The following CDC42BPA variants were observed in gnomAD, a reference collection of about 807,000 sequenced individuals.
CDC42BPA encodes serine/threonine-protein kinase MRCK alpha.
CDC42BPA carries 80 observed loss-of-function variants against 223.5 expected under a neutral mutation model. The observed-to-expected ratio is 0.36, with a 90% confidence interval of 0.30 to 0.43. The LOEUF (loss-of-function observed/expected upper bound fraction) is 0.43, where lower values mean the gene tolerates loss of function less well. Among genes scored for constraint, CDC42BPA ranks in the 20% least tolerant of loss-of-function variants. The probability of loss-of-function intolerance (pLI) is 1.00; values close to 1 mark genes in which losing one functional copy is unlikely to be tolerated. For missense variants in CDC42BPA, 1,743 were observed against 2,099.9 expected (o/e 0.83, Z 3.32); for synonymous variants, 694 against 718.6 (o/e 0.97, Z 0.55).
intron 11 of CDC42BPA, among the ~76,000 whole-genome samples, chr1:227,123,334 GCTGATACCAA>G (rs1401688196): frequency 6.6e-6 from 1 of 152,150 alleles, no homozygotes; most frequent in Non-Finnish European, 1.5e-5. Context: ...AACTGGGTTA[GCTGATACCAA>G]CTAAATGGTT....
intron 5 of CDC42BPA, among the ~76,000 whole-genome samples, chr1:227,187,751 A>G (rs987559384): frequency 1.1e-4 from 17 of 149,306 alleles, no homozygotes; most frequent in Admixed American, 2.0e-4. Flanking sequence ...AAAAATAAAG[A>G]AAAAAACCCT....
chr1:227,316,392 C>A (rs138997425), intron 1 of CDC42BPA, among the ~76,000 whole-genome samples: 123 of 152,334 alleles, frequency 8.1e-4, no homozygotes, highest in Non-Finnish European at 1.5e-3. Context: ...AAATCTAACT[C>A]TCAAGTGGAA....
chr1:227,292,649 C>G (rs975418921), intron 1 of CDC42BPA, among the ~76,000 whole-genome samples: 1 of 152,138 alleles, frequency 6.6e-6, no homozygotes, highest in African/African-American at 2.4e-5. Flanking sequence ...AATCAAAATT[C>G]TAACTTTGTT....
intron 1 of CDC42BPA, among the ~76,000 whole-genome samples, chr1:227,288,015 T>C (rs1050351599): frequency 3.3e-5 from 5 of 152,176 alleles, no homozygotes; most frequent in Admixed American, 2.6e-4. Flanking sequence ...TTTGCTCCAT[T>C]AGCCTTTTCC....
intron 1 of CDC42BPA, among the ~76,000 whole-genome samples, chr1:227,268,978 C>T (rs1165516185): frequency 6.6e-6 from 1 of 152,120 alleles, no homozygotes; most frequent in Non-Finnish European, 1.5e-5. Context: ...AGCCACTGGG[C>T]TCAGCCCATA....
rs142709824 is a variant in CDC42BPA at position 227,286,936 on chromosome 1, C to T, written c.178+30069G>A. Among the ~76,000 whole-genome samples, 915 of 152,212 alleles carry T rather than the reference C, an allele frequency of 6.0e-3. 10 individuals are homozygous for T. Among genetic ancestry groups the T allele is most frequent in the African/African-American group, 0.021 (862 of 41,528 alleles). ...TGGGGAGGTATCAGGCTCTTTTTAA[C>T]AATCAGATATTGGGAGAACAAACAC... is the stretch of plus-strand genomic sequence containing the variant. On this transcript the variant is annotated intron_variant, in intron 1 of 36. Coordinates refer to ENST00000366766, the MANE Select transcript of CDC42BPA (RefSeq NM_001394014.1).
Position 227,016,077 on chromosome 1 carries a change from T to C in CDC42BPA, c.4857+3A>G. 1 of 1,519,636 alleles carries C rather than the reference T, an allele frequency of 6.6e-7. No homozygotes were observed. The highest frequency in any genetic ancestry group is 1.4e-5 in the African/African-American group (1 of 72,868). The allele number at this position is 1,519,636 out of a possible 1,614,324, so 94.1% of individuals were successfully genotyped here. A position where few individuals can be genotyped will look rare whatever the true frequency, so the allele number is the denominator to read the frequency against. On this transcript the variant is annotated splice_donor_region_variant and intron_variant, in intron 34 of 36. Coordinates refer to ENST00000366766, the MANE Select transcript of CDC42BPA (RefSeq NM_001394014.1). ...TTTTACACTCACTCTTAATTCCTCT[T>C]ACCATGGGCAGATCTTTCAGGATCT...
intron 1 of CDC42BPA, among the ~76,000 whole-genome samples, chr1:227,271,366 G>T (rs1009548652): frequency 6.6e-6 from 1 of 152,122 alleles, no homozygotes; most frequent in Non-Finnish European, 1.5e-5. Context: ...GCACAGTAGA[G>T]GGATATGTTA....
chr1:227,196,014 G>T (rs1472355689), intron 4 of CDC42BPA, among the ~76,000 whole-genome samples: 1 of 151,852 alleles, frequency 6.6e-6, no homozygotes, highest in Non-Finnish European at 1.5e-5. Context: ...AGTCACTAGG[G>T]AAATGAAAGC....
chr1:227,119,974 A>G, intron 11 of CDC42BPA, 37 bp from the exon 12 acceptor site: 1 of 1,515,912 alleles, frequency 6.6e-7, no homozygotes, highest in Non-Finnish European at 8.9e-7. Context: ...TACTATTTGT[A>G]TAAAAGCAAA....
chr1:227,222,543 G>A (rs938686665), intron 2 of CDC42BPA, among the ~76,000 whole-genome samples: 2 of 152,086 alleles, frequency 1.3e-5, no homozygotes, highest in Non-Finnish European at 2.9e-5. Context: ...GATTTTACCT[G>A]TTTCATTGTA....
chr1:227,128,191 A>AT (rs1656246478), intron 11 of CDC42BPA, among the ~76,000 whole-genome samples: 1 of 152,044 alleles, frequency 6.6e-6, no homozygotes, highest in Admixed American at 6.5e-5. Context: ...GGCACATTTG[A>AT]TTTTAGAGTT....
chr1:227,304,488 A>T (rs879889783), intron 1 of CDC42BPA, among the ~76,000 whole-genome samples: 5 of 152,164 alleles, frequency 3.3e-5, no homozygotes, highest in Non-Finnish European at 7.3e-5. Flanking sequence ...ATAATTTTAA[A>T]AGGAAAAAAT....
At chr1:227,148,305 A>G (rs1056174063) in intron 6 of CDC42BPA, among the ~76,000 whole-genome samples, 2 of 152,166 alleles carry the variant, frequency 1.3e-5, no homozygotes, top group Non-Finnish European at 2.9e-5. Flanking sequence ...AAAGTGGAAG[A>G]AAAAATAAAA....
intron 3 of CDC42BPA, among the ~76,000 whole-genome samples, chr1:227,206,656 T>A (rs927202898): frequency 3.9e-5 from 6 of 152,168 alleles, no homozygotes; most frequent in African/African-American, 1.4e-4. Context: ...TTTAAAAAGA[T>A]CTGCTTATTC....
At chr1:227,163,024 C>T (rs1192467207) in intron 5 of CDC42BPA, among the ~76,000 whole-genome samples, 15 of 29,596 alleles carry the variant, frequency 5.1e-4, no homozygotes, top group African/African-American at 2.1e-3. Context: ...GTGTATGTTT[C>T]CAAACATATG....
chr1:227,244,591 G>A (rs1680588991), intron 2 of CDC42BPA, among the ~76,000 whole-genome samples: 1 of 152,112 alleles, frequency 6.6e-6, no homozygotes, highest in Non-Finnish European at 1.5e-5. Flanking sequence ...TAAAAATCTG[G>A]CTATGGCCAG....
intron 5 of CDC42BPA, among the ~76,000 whole-genome samples, chr1:227,164,938 T>C (rs1397794586): frequency 6.6e-6 from 1 of 152,144 alleles, no homozygotes; most frequent in Admixed American, 6.5e-5. Context: ...TTTTAGGAAA[T>C]AAAATTTCAG....
intron 2 of CDC42BPA, among the ~76,000 whole-genome samples, chr1:227,231,951 A>G (rs1471114041): frequency 6.6e-6 from 1 of 152,098 alleles, no homozygotes; most frequent in East Asian, 1.9e-4. Context: ...CACTCTGATG[A>G]TAGTTTCTTT....
Sources: allele counts gnomAD v4.1 joint callset (sites outside exome capture counted in the v4.1 genomes callset), GRCh38; gene constraint gnomAD v4.1.1; transcripts MANE v1.5; gene names NCBI Gene and HGNC (gene_info 2026-07-23, HGNC 2026-07-21).